The following DYDC1 variants were observed in gnomAD, a reference collection of about 807,000 sequenced individuals.
DYDC1 encodes the protein DPY30 domain containing 1.
DYDC1 carries 21 observed loss-of-function variants against 27.9 expected under a neutral mutation model. The observed-to-expected ratio is 0.75, with a 90% CI of 0.53 to 1.08. The LOEUF (loss-of-function observed/expected upper bound fraction) is 1.08, where lower values mean the gene tolerates loss of function less well. DYDC1 is among the 50% of genes least tolerant of loss of function. The pLI, the probability that DYDC1 is intolerant of heterozygous loss-of-function variation, is 0.00. For missense variants in DYDC1, 202 were observed against 205.9 expected (o/e 0.98, Z 0.12); for synonymous variants, 67 against 65.8 (o/e 1.02, Z -0.09).
At chr10:80,342,424 C>T (rs549195821) in intron 3 of DYDC1, 63 bp from the exon 4 acceptor site, 1 of 1,515,300 alleles carries the variant, frequency 6.6e-7, no homozygotes, top group East Asian at 2.3e-5. Flanking sequence ...AAGTTTATAC[C>T]CACCTTCATT....
At position 80,341,562 on chromosome 10, in the gene DYDC1, A is replaced by G. The variant is rs146043564; in HGVS notation, c.342+707T>C. Among the ~76,000 whole-genome samples, 387 of 152,228 alleles carry G rather than the reference A, an allele frequency of 2.5e-3. 2 individuals are homozygous for G. Among genetic ancestry groups the G allele is most frequent in the African/African-American group, 8.9e-3 (370 of 41,522 alleles). On this transcript the variant is annotated intron_variant, in intron 4 of 6. Coordinates refer to ENST00000372202, the MANE Select transcript of DYDC1 (RefSeq NM_001269053.2). ...ATTCTTGTTGTTAATACATTAACAT[A>G]AAGACATATACTACTGCCTCCGAGA... is the stretch of plus-strand genomic sequence containing the variant.
chr10:80,354,828 C>A (rs1310677972), intron 1 of DYDC1, among the ~76,000 whole-genome samples: 1 of 152,162 alleles, frequency 6.6e-6, no homozygotes, highest in Non-Finnish European at 1.5e-5. Flanking sequence ...GACTTCCCAG[C>A]CTCCAGAATG....
chr10:80,338,162 C>T (rs1343622187), intron 6 of DYDC1: 5 of 985,312 alleles, frequency 5.1e-6, no homozygotes, highest in East Asian at 1.1e-4. Flanking sequence ...GAACAAAAAT[C>T]GTGCCCCCCA....
intron 4 of DYDC1, among the ~76,000 whole-genome samples, chr10:80,341,060 G>A (rs1842301717): frequency 6.6e-6 from 1 of 152,034 alleles, no homozygotes; most frequent in Non-Finnish European, 1.5e-5. Flanking sequence ...TAAACATAAT[G>A]AACATTGTCT....
At chr10:80,345,289 T>C (rs1842544997) in intron 3 of DYDC1, among the ~76,000 whole-genome samples, 1 of 152,174 alleles carries the variant, frequency 6.6e-6, no homozygotes, top group Non-Finnish European at 1.5e-5. Flanking sequence ...TATTATGAAT[T>C]TTTGAGCTCA....
intron 6 of DYDC1, chr10:80,336,425 G>T: frequency 1.1e-6 from 1 of 877,804 alleles, no homozygotes; most frequent in Non-Finnish European, 1.4e-6. Flanking sequence ...CTTCTTGTAG[G>T]CTCCTCTTCC....
intron 6 of DYDC1, among the ~76,000 whole-genome samples, chr10:80,337,623 C>G (rs1351076806): frequency 6.6e-6 from 1 of 152,168 alleles, no homozygotes; most frequent in East Asian, 1.9e-4. Flanking sequence ...CCTGCTTTCT[C>G]CCTGGCCTCA....
chr10:80,342,691 C>G (rs1379068059), intron 3 of DYDC1, among the ~76,000 whole-genome samples: 1 of 152,074 alleles, frequency 6.6e-6, no homozygotes. Context: ...GGGTGAGAAA[C>G]TCTTCAGAAT....
chr10:80,343,556 G>A (rs1292246336), intron 3 of DYDC1, among the ~76,000 whole-genome samples: 1 of 151,962 alleles, frequency 6.6e-6, no homozygotes, highest in Non-Finnish European at 1.5e-5. Flanking sequence ...AGGATTACTT[G>A]AAGCCAGGAG....
chr10:80,351,259 TC>T (rs1413456652), intron 3 of DYDC1, among the ~76,000 whole-genome samples: 1 of 152,142 alleles, frequency 6.6e-6, no homozygotes, highest in African/African-American at 2.4e-5. Flanking sequence ...TTGATTATAA[TC>T]AAAGAAGTGC....
chr10:80,352,343 T>A (rs1286690361), intron 2 of DYDC1, 112 bp downstream of exon 2: 5 of 1,334,196 alleles, frequency 3.7e-6, no homozygotes, highest in Non-Finnish European at 4.9e-6. Flanking sequence ...AGTTTTTGTA[T>A]AATAAACATT....
intron 3 of DYDC1, among the ~76,000 whole-genome samples, chr10:80,346,762 G>A (rs1015074618): frequency 1.3e-5 from 2 of 151,886 alleles, no homozygotes; most frequent in South Asian, 2.1e-4. Flanking sequence ...CCCCGGCCAT[G>A]TCTCTTCCCT....
At chr10:80,338,947 G>A (rs1179075300) in intron 5 of DYDC1, 150 bp downstream of exon 5, 4 of 471,852 alleles carry the variant, frequency 8.5e-6, no homozygotes, top group African/African-American at 4.1e-5. Flanking sequence ...CACATTATTT[G>A]TGACTTGTTA....
chr10:80,351,547 T>C (rs1842975069), intron 3 of DYDC1, among the ~76,000 whole-genome samples: 1 of 152,134 alleles, frequency 6.6e-6, no homozygotes, highest in East Asian at 1.9e-4. Flanking sequence ...ATGAACACTT[T>C]TCCATTCAGC....
Position 80,337,386 on chromosome 10 carries a change from T to A in DYDC1, c.504+1081A>T, listed in dbSNP as rs915817005. On this transcript the variant is annotated intron_variant, in intron 6 of 6. Transcript: ENST00000372202. ...TAGCACTGAGTCTGTGCAGCTCCAT[T>A]TTCTGAACAGCTCTTGAAAACAACA... The A allele has an allele frequency of 6.1e-6, 6 of 985,474 alleles. No individual in the cohort carries two copies. The African/African-American group carries it at 8.7e-5, about 14-fold the overall frequency. The allele number at this position is 985,474 out of a possible 1,614,324, so 61.0% of individuals were successfully genotyped here.
chr10:80,337,371 T>G (rs1842168044), intron 6 of DYDC1: 2 of 985,322 alleles, frequency 2.0e-6, no homozygotes, highest in Admixed American at 1.2e-4. Flanking sequence ...TAGCACTGAG[T>G]CTGTGCAGCT....
intron 3 of DYDC1, among the ~76,000 whole-genome samples, chr10:80,347,979 G>T (rs1359088103): frequency 4.6e-5 from 7 of 152,124 alleles, no homozygotes; most frequent in Non-Finnish European, 8.8e-5. Flanking sequence ...GGGTTTTTCT[G>T]TTTCTGTGAA....
chr10:80,342,714 C>T (rs1294766890), intron 3 of DYDC1, among the ~76,000 whole-genome samples: 1 of 152,138 alleles, frequency 6.6e-6, no homozygotes, highest in Admixed American at 6.5e-5. Context: ...CATCTGATGG[C>T]TCATGCCTGT....
chr10:80,347,389 T>C (rs1392061913), intron 3 of DYDC1, among the ~76,000 whole-genome samples: 1 of 147,144 alleles, frequency 6.8e-6, no homozygotes. Context: ...AAATATCTTC[T>C]CCCAATCCAT....
Sources: allele counts gnomAD v4.1 joint callset (sites outside exome capture counted in the v4.1 genomes callset), GRCh38; gene constraint gnomAD v4.1.1; transcripts MANE v1.5; gene names NCBI Gene and HGNC (gene_info 2026-07-23, HGNC 2026-07-21).